WNT4: variants seen among roughly 807,000 people sequenced by gnomAD.
WNT4 encodes the protein Wnt family member 4.
A neutral mutation model predicts 34.5 loss-of-function variants in WNT4; 16 were observed. That is an observed-to-expected ratio of 0.46 (90% CI 0.31 to 0.70). The LOEUF (loss-of-function observed/expected upper bound fraction) is 0.70, where lower values mean the gene tolerates loss of function less well. Among genes scored for constraint, WNT4 ranks in the 30% least tolerant of loss-of-function variants. The pLI is 0.04. For missense variants in WNT4, 379 were observed against 495.9 expected, an observed-to-expected ratio of 0.76 and a Z score of 2.24; for synonymous variants, 200 against 211.9, an observed-to-expected ratio of 0.94 and a Z score of 0.49.
intron 2 of WNT4, among the ~76,000 whole-genome samples, chr1:22,123,379 A>G (rs1456378868): frequency 6.6e-6 from 1 of 151,982 alleles, no homozygotes; most frequent in Non-Finnish European, 1.5e-5. Context: ...TCCCCAAACC[A>G]ACATTCATCC....
In WNT4 at chr1:22,134,090, A is replaced by G. The variant is rs967817546; in HGVS notation, c.78-4239T>C. 1.3e-5 allele frequency among the ~76,000 whole-genome samples: 2 copies of G among 152,338 alleles called. No individual in the cohort carries two copies. The highest frequency in any genetic ancestry group is 3.9e-4 in the East Asian group (2 of 5,170). On this transcript the variant is annotated intron_variant, in intron 1 of 4. Coordinates refer to ENST00000290167, the MANE Select transcript of WNT4 (RefSeq NM_030761.5). This position sits in a 1 kb window ranked among gnomAD's most constrained non-coding sequence, Gnocchi z 4.1. ...CTGGAGCGTTTGGGAGGCCAAGCAG[A>G]TCAGTGTCGTGGGTCCCGGCCCTGC...
rs1645882153 is a variant in WNT4, at chr1:22,120,109, A to G, written c.997T>C (p.Cys333Arg). ...AERCSCKFHW[C>R]CFVKCRQCQR... ...CACTGCCGGCACTTGACGAAGCAGC[A>G]CCAGTGGAATTTGCAGCTGCAGCGT... Residue 333 changes from cysteine to arginine, a missense_variant, in exon 5 of 5, where the codon TGC becomes CGC. By Grantham distance (180) the Cys-to-Arg change is radical. This residue lies in a region of WNT4 where 313 missense variants were observed against 445.8 expected (regional missense o/e 0.70). Coordinates refer to ENST00000290167, the MANE Select transcript of WNT4 (RefSeq NM_030761.5). 6.2e-7 allele frequency: 1 copy of G among 1,613,036 alleles called. No homozygotes were observed. Among genetic ancestry groups the G allele is most frequent in the Non-Finnish European group, 8.5e-7 (1 of 1,179,804 alleles).
In WNT4 at chr1:22,139,134, G is replaced by T. The variant is rs1646045620; in HGVS notation, c.77+3712C>A. On this transcript the variant is annotated intron_variant, in intron 1 of 4. Coordinates refer to ENST00000290167, the MANE Select transcript of WNT4 (RefSeq NM_030761.5). The surrounding 1 kb of genome is among the most constrained non-coding windows in gnomAD (Gnocchi z 4.6). ...CTACCTGTGTTAAATCAGTGGATCT[G>T]GGTGGGACAGCCTGGGATAAACAGG... 6.6e-6 allele frequency among the ~76,000 whole-genome samples: 1 copy of T among 152,168 alleles called. No homozygotes were observed. Among genetic ancestry groups the T allele is most frequent in the South Asian group, 2.1e-4 (1 of 4,832 alleles).
Position 22,121,514 on chromosome 1 carries a change from G to A in WNT4, c.376C>T (p.Arg126Trp), listed in dbSNP as rs779763651. Residue 126 changes from arginine to tryptophan, a missense_variant, in exon 3 of 5, where the codon CGG becomes TGG. Coordinates refer to ENST00000290167, the MANE Select transcript of WNT4 (RefSeq NM_030761.5). The stretch of plus-strand genomic sequence containing the variant: ...TCCAGCTCCCCACTGCTGCACGCCC[G>A]CGTCACTGCAAAGGCCACACCTGCC... ...SSAGVAFAVT[R>W]ACSSGELEKC... 1.1e-5 allele frequency: 18 copies of A among 1,613,866 alleles called. No homozygotes were observed. The highest frequency in any genetic ancestry group is 4.0e-5 in the African/African-American group (3 of 74,924).
At chr1:22,125,180 G>A (rs930676598) in intron 2 of WNT4, among the ~76,000 whole-genome samples, 3 of 152,100 alleles carry the variant, frequency 2.0e-5, no homozygotes, top group East Asian at 1.9e-4. Flanking sequence ...ATGCCACCCC[G>A]GCAGGCCAGA....
At position 22,139,142 on chromosome 1, in the gene WNT4, C is replaced by A. The variant is rs1430681890; in HGVS notation, c.77+3704G>T. Reference sequence around the variant, plus strand: ...GTTAAATCAGTGGATCTGGGTGGGACAGCCTGGGATAAACAGGGCTTGGGA... The same window carrying A: ...GTTAAATCAGTGGATCTGGGTGGGAAAGCCTGGGATAAACAGGGCTTGGGA... On this transcript the variant is annotated intron_variant, in intron 1 of 4. Transcript: ENST00000290167. The surrounding 1 kb of genome is among the most constrained non-coding windows in gnomAD (Gnocchi z 4.6). Among the ~76,000 whole-genome samples the A allele has an allele frequency of 6.6e-6, 1 of 152,182 alleles. No individual in the cohort carries two copies. Among genetic ancestry groups the A allele is most frequent in the East Asian group, 1.9e-4 (1 of 5,194 alleles).
At position 22,120,128 on chromosome 1, in the gene WNT4, G is replaced by A; in HGVS notation, c.978C>T (p.Cys326=). Residue 326 remains cysteine, a synonymous_variant, in exon 5 of 5, where the codon TGC becomes TGT. Transcript: ENST00000290167. ...HTAQVELAER[C]SCKFHWCCFV... ...AGCAGCACCAGTGGAATTTGCAGCT[G>A]CAGCGTTCAGCCAGCTCCACCTGCG... 13 of 1,613,246 alleles carry A rather than the reference G, an allele frequency of 8.1e-6. No individual in the cohort carries two copies. The highest frequency in any genetic ancestry group is 8.5e-6 in the Non-Finnish European group (10 of 1,179,850).
chr1:22,129,460 C>T (rs1158308668), intron 2 of WNT4, among the ~76,000 whole-genome samples, 156 bp downstream of exon 2: 2 of 152,228 alleles, frequency 1.3e-5, no homozygotes, highest in Non-Finnish European at 2.9e-5. Flanking sequence ...GGGCCCCCAA[C>T]GCTCTGCATC....
intron 1 of WNT4, among the ~76,000 whole-genome samples, chr1:22,141,620 T>TC: frequency 6.6e-6 from 1 of 151,998 alleles, no homozygotes; most frequent in East Asian, 1.9e-4. Flanking sequence ...TCGTTTGCTC[T>TC]CGGAACAGCT....
At chr1:22,138,987 G>T (rs1646044278) in intron 1 of WNT4, among the ~76,000 whole-genome samples, 2 of 152,232 alleles carry the variant, frequency 1.3e-5, no homozygotes, top group Non-Finnish European at 2.9e-5. Context: ...GGCACGGAAA[G>T]GTGCTCCCAG....
At chr1:22,129,918 G>C in intron 1 of WNT4, 67 bp from the exon 2 acceptor site, 1 of 1,572,062 alleles carries the variant, frequency 6.4e-7, no homozygotes, top group Non-Finnish European at 8.7e-7. Context: ...GACCAGGCCT[G>C]AGCTCCAGCC....
intron 2 of WNT4, chr1:22,127,173 C>A (rs1224393691): frequency 2.4e-6 from 1 of 414,088 alleles, no homozygotes; most frequent in Non-Finnish European, 5.1e-6. Context: ...AGTCTCGGCA[C>A]CTTGACATGT....
At chr1:22,135,913 G>A (rs1231925377) in intron 1 of WNT4, among the ~76,000 whole-genome samples, 2 of 152,104 alleles carry the variant, frequency 1.3e-5, no homozygotes, top group African/African-American at 4.8e-5. Context: ...CCTCTTTCCT[G>A]TCTCCTGGGA....
Position 22,121,253 on chromosome 1 carries a change from G to A in WNT4, c.546C>T (p.Ser182=), listed in dbSNP as rs199713963. Residue 182 remains serine, a synonymous_variant, in exon 4 of 5, where the codon AGC becomes AGT. Coordinates refer to ENST00000290167, the MANE Select transcript of WNT4 (RefSeq NM_030761.5). Reference sequence around the variant, plus strand: ...TGTTGTGGAGGTTCATGAGGGCTCTGCTGGACGAGGCCCCCTTGCTTCTCT... The same window carrying A: ...TGTTGTGGAGGTTCATGAGGGCTCTACTGGACGAGGCCCCCTTGCTTCTCT... ...VRERSKGASS[S]RALMNLHNNE... 1.2e-6 allele frequency: 2 copies of A among 1,614,136 alleles called. No individual in the cohort carries two copies. The highest frequency in any genetic ancestry group is 1.7e-6 in the Non-Finnish European group (2 of 1,180,028).
intron 1 of WNT4, among the ~76,000 whole-genome samples, chr1:22,131,546 C>A (rs1049841991): frequency 6.6e-6 from 1 of 152,172 alleles, no homozygotes; most frequent in African/African-American, 2.4e-5. Context: ...GGCATTGATC[C>A]CCAGGATGTT....
chr1:22,127,430 C>T (rs767184853), intron 2 of WNT4: 14 of 533,330 alleles, frequency 2.6e-5, no homozygotes, highest in African/African-American at 2.5e-4. Context: ...CCCTGACCTG[C>T]TTTCTGTCAG....
intron 1 of WNT4, among the ~76,000 whole-genome samples, chr1:22,130,388 T>C (rs1209753757): frequency 6.6e-6 from 1 of 152,130 alleles, no homozygotes; most frequent in Non-Finnish European, 1.5e-5. Flanking sequence ...CTGCCACCCT[T>C]TGGAGGTGGG....
At position 22,139,323 on chromosome 1, in the gene WNT4, G is replaced by A. The variant is rs528057404; in HGVS notation, c.77+3523C>T. Among the ~76,000 whole-genome samples the A allele has an allele frequency of 8.4e-4, 128 of 152,296 alleles. No homozygotes were observed. Among genetic ancestry groups the A allele is most frequent in the African/African-American group, 2.9e-3 (119 of 41,566 alleles). Reference sequence around the variant, plus strand: ...GCCAGCTTGCCACACGCATGGGCTCGCTCTTTCTTCCCAACCACCATTGTG... The same window carrying A: ...GCCAGCTTGCCACACGCATGGGCTCACTCTTTCTTCCCAACCACCATTGTG... On this transcript the variant is annotated intron_variant, in intron 1 of 4. Coordinates refer to ENST00000290167, the MANE Select transcript of WNT4 (RefSeq NM_030761.5). The surrounding 1 kb of genome is among the most constrained non-coding windows in gnomAD (Gnocchi z 4.6).
intron 2 of WNT4, 128 bp downstream of exon 2, chr1:22,129,488 G>T: frequency 8.8e-7 from 1 of 1,141,946 alleles, no homozygotes. Context: ...CCCTCACTTG[G>T]GTCCTGTGCT....
Sources: gnomAD v4.1 joint callset for allele counts (sites outside exome capture counted in the v4.1 genomes callset) on GRCh38, gnomAD v4.1.1 for gene constraint, gnomAD v4.1.1 regional missense constraint, Gnocchi (gnomAD v3.1) non-coding constraint, MANE v1.5 for transcripts, NCBI Gene and HGNC (gene_info 2026-07-23, HGNC 2026-07-21) for gene names.